OPCML: variants seen among roughly 807,000 people sequenced by gnomAD.
OPCML encodes opioid-binding protein/cell adhesion molecule.
A neutral mutation model predicts 37.8 loss-of-function variants in OPCML; 13 were observed. The observed-to-expected ratio is 0.34, with a 90% CI of 0.22 to 0.55. The LOEUF (loss-of-function observed/expected upper bound fraction) is 0.55. OPCML is among the 20% of genes least tolerant of loss of function. The probability of loss-of-function intolerance (pLI) is 0.91; values close to 1 mark genes in which losing one functional copy is unlikely to be tolerated. For synonymous variants in OPCML, 176 were observed against 168.8 expected (o/e 1.04, Z -0.33); for missense variants, 341 against 435.6 (o/e 0.78, Z 1.93).
chr11:132,579,612 A>G (rs1291006361), intron 3 of OPCML, among the ~76,000 whole-genome samples: 1 of 152,108 alleles, frequency 6.6e-6, no homozygotes, highest in African/African-American at 2.4e-5. Flanking sequence ...GCACCCTCCT[A>G]TCCCCAAAAG....
intron 1 of OPCML, among the ~76,000 whole-genome samples, chr11:133,262,922 G>T (rs1313846188): frequency 6.6e-6 from 1 of 151,830 alleles, no homozygotes. Context: ...CGAGATCAGC[G>T]ATGTTCAGGA....
intron 2 of OPCML, among the ~76,000 whole-genome samples, chr11:132,878,245 T>C (rs1295056561): frequency 1.3e-5 from 2 of 152,190 alleles, no homozygotes; most frequent in African/African-American, 2.4e-5. Context: ...AATTGTTACT[T>C]TTGTATGTCA....
intron 1 of OPCML, among the ~76,000 whole-genome samples, chr11:133,098,119 A>G (rs1949030905): frequency 6.6e-6 from 1 of 152,228 alleles, no homozygotes; most frequent in African/African-American, 2.4e-5. Flanking sequence ...AAAATCCCCA[A>G]CAAAACTTTA....
At chr11:133,373,333 C>A (rs1313117251) in intron 1 of OPCML, among the ~76,000 whole-genome samples, 2 of 150,884 alleles carry the variant, frequency 1.3e-5, no homozygotes, top group Non-Finnish European at 2.9e-5. Flanking sequence ...GAGGCTGAGG[C>A]GGGCAGGCCA....
intron 1 of OPCML, among the ~76,000 whole-genome samples, chr11:133,404,471 C>A (rs565077016): frequency 6.6e-6 from 1 of 152,274 alleles, no homozygotes; most frequent in South Asian, 2.1e-4. Context: ...ATGTGTTATC[C>A]GTCTAATCCT....
intron 3 of OPCML, among the ~76,000 whole-genome samples, chr11:132,642,902 A>G (rs78919260): frequency 0.016 from 2,478 of 152,304 alleles, 35 homozygotes; most frequent in African/African-American, 0.03. Context: ...GGCTTTAGCC[A>G]ACATTAGTAT....
intron 2 of OPCML, among the ~76,000 whole-genome samples, chr11:132,835,035 A>G (rs12287286): frequency 0.23 from 34,872 of 151,084 alleles, 5,009 homozygotes; most frequent in Non-Finnish European, 0.34. Context: ...CCAGCTTGCC[A>G]GAGCCAGGAC....
chr11:132,542,639 C>T (rs921809760), intron 3 of OPCML, among the ~76,000 whole-genome samples: 1 of 152,172 alleles, frequency 6.6e-6, no homozygotes, highest in African/African-American at 2.4e-5. Flanking sequence ...CACCCTCACC[C>T]CCCACACCCA....
chr11:132,933,185 C>G (rs1945266185), intron 2 of OPCML, among the ~76,000 whole-genome samples: 1 of 152,098 alleles, frequency 6.6e-6, no homozygotes, highest in South Asian at 2.1e-4. Flanking sequence ...CATTTTAGGA[C>G]CCAAGGAGAT....
At position 133,282,825 on chromosome 11, in the gene OPCML, A is replaced by G. The variant is rs552109374; in HGVS notation, c.61+249439T>C. ...TGTACCAGTGTGGCTTGGATATGGGACATGGAGTCAAAGGAGATTATATTG... is the reference window on the plus strand; with the variant it reads ...TGTACCAGTGTGGCTTGGATATGGGGCATGGAGTCAAAGGAGATTATATTG... On this transcript the variant is annotated intron_variant, in intron 1 of 7. Transcript: ENST00000524381. Among the ~76,000 whole-genome samples the G allele has an allele frequency of 1.8e-4, 28 of 152,320 alleles. No individual in the cohort carries two copies. The East Asian group carries it at 5.4e-3, about 29-fold the overall frequency.
At chr11:132,531,814 G>A (rs1195597506) in intron 3 of OPCML, among the ~76,000 whole-genome samples, 1 of 150,172 alleles carries the variant, frequency 6.7e-6, no homozygotes, top group Non-Finnish European at 1.5e-5. Flanking sequence ...GCTTAGAAAT[G>A]TCAATACTTT....
At chr11:132,552,779 T>TTTTTTTTTTTTTTTTTTTTTTTA (rs1436200909) in intron 3 of OPCML, among the ~76,000 whole-genome samples, 1 of 146,034 alleles carries the variant, frequency 6.8e-6, no homozygotes, top group African/African-American at 2.6e-5. Context: ...TTTTTTTTTT[T>TTTTTTTTTTTTTTTTTTTTTTTA]GAGACCGAGT....
intron 1 of OPCML, among the ~76,000 whole-genome samples, chr11:133,194,845 C>A (rs1318755269): frequency 6.6e-6 from 1 of 152,204 alleles, no homozygotes; most frequent in Non-Finnish European, 1.5e-5. Flanking sequence ...AATCTCTCCC[C>A]ACTTGCTTGT....
At chr11:132,744,439 G>C (rs377524174) in intron 2 of OPCML, among the ~76,000 whole-genome samples, 1 of 152,218 alleles carries the variant, frequency 6.6e-6, no homozygotes, top group East Asian at 1.9e-4. Flanking sequence ...TCAACTCAGC[G>C]CTTTCCTGAG....
rs116244244 is a variant in OPCML, at chr11:132,836,519, C to T, written c.146+106407G>A. On this transcript the variant is annotated intron_variant, in intron 2 of 7. Transcript: ENST00000524381. ...AAAATATTACAACTTTTAGGGGAAC[C>T]GCTGGTGTTACTTCATCTGCTAGAG... Among the ~76,000 whole-genome samples, 455 of 152,178 alleles carry T rather than the reference C, an allele frequency of 3.0e-3. 3 individuals are homozygous for T. The highest frequency in any genetic ancestry group is 9.8e-3 in the African/African-American group (409 of 41,530).
rs141632251 is a variant in OPCML at position 133,483,674 on chromosome 11, T to TGATAGATA, written c.61+48582_61+48589dup. ...TAGATAGACAGATTAGATAAATAGA[T>TGATAGATA]GATAGATAGATAGATAGATAGATAG... On this transcript the variant is annotated intron_variant, in intron 1 of 7. Transcript: ENST00000524381. Among the ~76,000 whole-genome samples, 1,393 of 146,102 alleles carry TGATAGATA rather than the reference T, an allele frequency of 9.5e-3. 16 individuals are homozygous for TGATAGATA. The highest frequency in any genetic ancestry group is 0.014 in the East Asian group (64 of 4,596).
At chr11:132,974,306 G>A (rs1259065928) in intron 1 of OPCML, among the ~76,000 whole-genome samples, 1 of 152,050 alleles carries the variant, frequency 6.6e-6, no homozygotes, top group Non-Finnish European at 1.5e-5. Flanking sequence ...TTTCCAAAAT[G>A]TTCGCTTCCA....
intron 2 of OPCML, among the ~76,000 whole-genome samples, chr11:132,679,031 C>G (rs1942828802): frequency 6.6e-6 from 1 of 151,908 alleles, no homozygotes; most frequent in Admixed American, 6.6e-5. Context: ...CCTAAAACTG[C>G]TCTAAAAATA....
chr11:133,198,358 T>C lies in OPCML; in HGVS notation c.62-255348A>G, dbSNP rs916735440. Among the ~76,000 whole-genome samples, 4 of 152,242 alleles carry C rather than the reference T, an allele frequency of 2.6e-5. No individual in the cohort carries two copies. In the East Asian group the frequency reaches 5.8e-4, roughly 22 times the overall value. ...TGTTTAACAAAAGGACATTCGATCATACATTGCATTTTGTTTCCACAGTAG... is the reference window on the plus strand; with the variant it reads ...TGTTTAACAAAAGGACATTCGATCACACATTGCATTTTGTTTCCACAGTAG... On this transcript the variant is annotated intron_variant, in intron 1 of 7. Coordinates refer to ENST00000524381, the MANE Select transcript of OPCML (RefSeq NM_001012393.5).
Sources: gnomAD v4.1 joint callset for allele counts (sites outside exome capture counted in the v4.1 genomes callset) on GRCh38, gnomAD v4.1.1 for gene constraint, MANE v1.5 for transcripts, NCBI Gene and HGNC (gene_info 2026-07-23, HGNC 2026-07-21) for gene names.